Variants in TEX26 observed in about 807,000 individuals in gnomAD.
TEX26 encodes the protein testis-expressed protein 26.
A neutral mutation model predicts 35.3 loss-of-function variants in TEX26; 34 were observed. That is an observed-to-expected ratio of 0.96 (90% CI 0.73 to 1.28). The LOEUF (loss-of-function observed/expected upper bound fraction) is 1.28. TEX26 is among the 50% of genes most tolerant of loss of function. TEX26 has a pLI of 0.00. For synonymous variants in TEX26, 136 were observed against 111.8 expected (o/e 1.22, Z -1.36); for missense variants, 371 against 330.1 (o/e 1.12, Z -0.96).
intron 2 of TEX26, among the ~76,000 whole-genome samples, chr13:30,950,421 C>G (rs1953876822): frequency 6.6e-6 from 1 of 152,070 alleles, no homozygotes; most frequent in Non-Finnish European, 1.5e-5. Flanking sequence ...TTAAAGTAGT[C>G]AGCATGACCA....
chr13:30,970,571 C>T (rs1478333630), intron 6 of TEX26, among the ~76,000 whole-genome samples: 1 of 152,198 alleles, frequency 6.6e-6, no homozygotes, highest in Non-Finnish European at 1.5e-5. Context: ...CTGCATTTTA[C>T]AAGGAGCTCT....
At chr13:30,973,195 C>G (rs967825987) in intron 6 of TEX26, 1 of 152,026 alleles carries the variant, frequency 6.6e-6, no homozygotes, top group South Asian at 2.1e-4. Flanking sequence ...AAATACCACT[C>G]AATAAAAAGA....
intron 4 of TEX26, among the ~76,000 whole-genome samples, chr13:30,963,500 C>G (rs765546286): frequency 5.1e-4 from 77 of 152,152 alleles, no homozygotes; most frequent in Non-Finnish European, 8.7e-4. Flanking sequence ...GAACTAAGCC[C>G]ATGCTATGGA....
In TEX26 at chr13:30,956,915, A is replaced by C; in HGVS notation, c.355A>C (p.Thr119Pro). Residue 119 changes from threonine (T) to proline (P), a missense_variant, in exon 4 of 7, where the codon ACA becomes CCA. Physicochemically the swap from Thr to Pro is conservative, Grantham distance 38. Transcript: ENST00000380473. Reference protein sequence around the residue: ...WTLPHCQQTGTLKNCLPWKIP... With the variant: ...WTLPHCQQTGPLKNCLPWKIP... ...ACTACCTCACTGTCAACAAACGGGG[A>C]CACTAAAGAACTGCCTCCCTTGGAA... The C allele has an allele frequency of 6.2e-7, 1 of 1,614,178 alleles. No homozygotes were observed. The highest frequency in any genetic ancestry group is 1.1e-5 in the South Asian group (1 of 91,076).
intron 3 of TEX26, among the ~76,000 whole-genome samples, chr13:30,956,139 A>G (rs974394111): frequency 6.7e-6 from 1 of 149,372 alleles, no homozygotes. Flanking sequence ...AGCATTAGGT[A>G]TATATCCTAA....
intron 6 of TEX26, among the ~76,000 whole-genome samples, chr13:30,974,312 A>T (rs73455629): frequency 1.3e-4 from 19 of 151,750 alleles, no homozygotes; most frequent in African/African-American, 4.1e-4. Context: ...ATCGGTGAGT[A>T]AAAAAACAGC....
Position 30,952,701 on chromosome 13 carries a change from G to A in TEX26, c.188G>A (p.Ser63Asn), listed in dbSNP as rs1381364268. 1.2e-6 allele frequency: 2 copies of A among 1,609,472 alleles called. No homozygotes were observed. Among genetic ancestry groups the A allele is most frequent in the South Asian group, 1.1e-5 (1 of 89,626 alleles). Reference sequence around the variant, plus strand: ...AGATTAGGATATACATATTCACTTAGTGATCCTATTCTCAATCAGACACAA... The same window carrying A: ...AGATTAGGATATACATATTCACTTAATGATCCTATTCTCAATCAGACACAA... ...IRRLGYTYSL[S>N]DPILNQTQYS... The change falls in exon 3 of 7, where the codon AGT becomes AAT. Residue 63 changes from serine to asparagine, a missense_variant. Ser to Asn is a conservative substitution (Grantham distance 46). Transcript: ENST00000380473.
intron 1 of TEX26, chr13:30,936,953 C>T: frequency 1.0e-6 from 1 of 985,396 alleles, no homozygotes; most frequent in Non-Finnish European, 1.2e-6. Flanking sequence ...ACTGTACTTT[C>T]AGAAGCTTTG....
intron 6 of TEX26, among the ~76,000 whole-genome samples, chr13:30,972,113 T>G (rs182141163): frequency 1.3e-4 from 20 of 152,316 alleles, no homozygotes; most frequent in Admixed American, 9.8e-4. Flanking sequence ...AATCTTCGGG[T>G]ACAGTAGCAG....
chr13:30,958,775 T>C (rs1029304067), intron 4 of TEX26, among the ~76,000 whole-genome samples: 7 of 152,168 alleles, frequency 4.6e-5, no homozygotes, highest in African/African-American at 1.7e-4. Context: ...GGCATGCACA[T>C]TGACTGTAGT....
intron 4 of TEX26, among the ~76,000 whole-genome samples, chr13:30,960,652 AC>A (rs2138297755): frequency 6.6e-6 from 1 of 152,318 alleles, no homozygotes; most frequent in African/African-American, 2.4e-5. Flanking sequence ...TTTTTTAAAA[AC>A]AGCATTCTGC....
chr13:30,966,714 C>G (rs1051923540), intron 5 of TEX26, among the ~76,000 whole-genome samples: 1 of 152,178 alleles, frequency 6.6e-6, no homozygotes, highest in South Asian at 2.1e-4. Flanking sequence ...GCTAGGGTTA[C>G]AGGCTGGAGT....
intron 1 of TEX26, among the ~76,000 whole-genome samples, chr13:30,937,223 G>T (rs9548767): frequency 0.18 from 28,032 of 152,026 alleles, 3,280 homozygotes; most frequent in East Asian, 0.38. Context: ...CTGGCAATTG[G>T]TGACCCCAGC....
chr13:30,956,603 G>A (rs1954140737), intron 3 of TEX26, among the ~76,000 whole-genome samples: 1 of 152,208 alleles, frequency 6.6e-6, no homozygotes, highest in African/African-American at 2.4e-5. Flanking sequence ...AGTCTTATCT[G>A]TAGGAGACTT....
chr13:30,944,259 T>C lies in TEX26; in HGVS notation c.146+4481T>C, dbSNP rs557743164. 4.6e-5 allele frequency among the ~76,000 whole-genome samples: 7 copies of C among 152,126 alleles called. 1 individual carries two copies. In the South Asian group the frequency reaches 1.2e-3, roughly 27 times the overall value. ...TTTGAGTGCATTGAGGTGCTCATAG[T>C]TGTCTTGAATGATCTTTCATAATTC... On this transcript the variant is annotated intron_variant, in intron 2 of 6. Transcript: ENST00000380473.
intron 6 of TEX26, among the ~76,000 whole-genome samples, chr13:30,972,500 A>G (rs1158944897): frequency 6.6e-6 from 1 of 152,238 alleles, no homozygotes; most frequent in African/African-American, 2.4e-5. Flanking sequence ...GTAATAGACA[A>G]TGCTTAAAAT....
chr13:30,962,156 A>G (rs1954368382), intron 4 of TEX26, among the ~76,000 whole-genome samples: 1 of 152,186 alleles, frequency 6.6e-6, no homozygotes, highest in Non-Finnish European at 1.5e-5. Flanking sequence ...TGTGTCCTCT[A>G]ACCCACTGTC....
chr13:30,949,340 G>A (rs1953837169), intron 2 of TEX26, among the ~76,000 whole-genome samples: 1 of 151,990 alleles, frequency 6.6e-6, no homozygotes, highest in African/African-American at 2.4e-5. Context: ...TCAAAATCTT[G>A]GAGCTGAACA....
intron 2 of TEX26, among the ~76,000 whole-genome samples, chr13:30,946,420 C>T (rs973254632): frequency 6.6e-6 from 1 of 151,736 alleles, no homozygotes; most frequent in Admixed American, 6.6e-5. Context: ...AATAATCAAC[C>T]TTTTGAATTC....
Sources: gnomAD v4.1 joint callset for allele counts (sites outside exome capture counted in the v4.1 genomes callset) on GRCh38, gnomAD v4.1.1 for gene constraint, MANE v1.5 for transcripts, NCBI Gene and HGNC (gene_info 2026-07-23, HGNC 2026-07-21) for gene names.